The following ZNF831 variants were observed in gnomAD, a reference collection of about 807,000 sequenced individuals.
The protein encoded by ZNF831 is chromosome 20 open reading frame 174.
In ZNF831, 59 loss-of-function variants were observed where a neutral mutation model predicts 95.8. The observed-to-expected ratio is 0.62, with a 90% CI of 0.50 to 0.77. ZNF831 has a LOEUF of 0.77. Ranked by LOEUF, ZNF831 falls within the 30% of genes least tolerant of loss-of-function variation. The pLI, the probability that ZNF831 is intolerant of heterozygous loss-of-function variation, is 0.00. For synonymous variants in ZNF831, 961 were observed against 925.5 expected (o/e 1.04, Z -0.70); for missense variants, 2,205 against 2,164.0 (o/e 1.02, Z -0.38).
chr20:59,176,621 T>C (rs975847565), intron 1 of ZNF831, among the ~76,000 whole-genome samples: 2 of 152,228 alleles, frequency 1.3e-5, no homozygotes, highest in African/African-American at 4.8e-5. Flanking sequence ...CACGCATGTG[T>C]ATTTCGCTTT....
rs189830737 is a variant in ZNF831, at chr20:59,148,477, C to T, written c.-1281+2103C>T. 2.3e-3 allele frequency among the ~76,000 whole-genome samples: 332 copies of T among 145,336 alleles called. 29 individuals carry two copies. The highest frequency in any genetic ancestry group is 8.0e-3 in the African/African-American group (310 of 38,650). ...CGGGCAGATCACGAGGTCAGGAGAT[C>T]GAGACCATCCTGGCTAACACGGTGA... On this transcript the variant is annotated intron_variant, in intron 2 of 7. Coordinates refer to the ZNF831 transcript ENST00000637017.
intron 4 of ZNF831, among the ~76,000 whole-genome samples, chr20:59,238,094 A>G (rs915199741): frequency 1.3e-5 from 2 of 152,144 alleles, no homozygotes; most frequent in Non-Finnish European, 2.9e-5. Flanking sequence ...CCCTTCCCTA[A>G]GGCAAAGCGG....
intron 4 of ZNF831, among the ~76,000 whole-genome samples, chr20:59,239,549 C>CTTTT (rs10653584): frequency 5.5e-5 from 7 of 127,442 alleles, no homozygotes; most frequent in Non-Finnish European, 8.1e-5. Flanking sequence ...TCTGTAAACA[C>CTTTT]TTTTTTTTTT....
rs1988199123 is a variant in ZNF831, at chr20:59,256,588, G to A, written c.*1845G>A. 1 of 152,236 alleles carries A rather than the reference G, an allele frequency of 6.6e-6. No homozygotes were observed. Among genetic ancestry groups the A allele is most frequent in the Non-Finnish European group, 1.5e-5 (1 of 68,042 alleles). 9.4% of individuals were successfully genotyped at this position (152,236 alleles called of 1,614,324 possible). Reference sequence around the variant, plus strand: ...AGTTTCCCTAAGTGAGAATAAGAGAGTTGGACAAGACGAATGTATCTCCAG... The same window carrying A: ...AGTTTCCCTAAGTGAGAATAAGAGAATTGGACAAGACGAATGTATCTCCAG... On this transcript the variant is annotated 3_prime_UTR_variant, in exon 6 of 6. Coordinates refer to ENST00000371030, the MANE Select transcript of ZNF831 (RefSeq NM_178457.3).
chr20:59,143,945 T>C (rs1268210095), intron 1 of ZNF831, among the ~76,000 whole-genome samples: 1 of 152,240 alleles, frequency 6.6e-6, no homozygotes, highest in African/African-American at 2.4e-5. Flanking sequence ...TTCTATAAAA[T>C]GCTCTAATTA....
intron 4 of ZNF831, among the ~76,000 whole-genome samples, chr20:59,226,553 T>TATC (rs1338568536): frequency 2.0e-5 from 3 of 151,752 alleles, no homozygotes; most frequent in African/African-American, 7.3e-5. Flanking sequence ...GATATAAGGC[T>TATC]ATCACCTATT....
chr20:59,239,480 C>T (rs1290279800), intron 4 of ZNF831, among the ~76,000 whole-genome samples: 1 of 152,010 alleles, frequency 6.6e-6, no homozygotes, highest in Admixed American at 6.6e-5. Flanking sequence ...AAGTTTCCCC[C>T]CTTCTTTCAT....
intron 1 of ZNF831, among the ~76,000 whole-genome samples, chr20:59,189,050 G>T (rs758608861): frequency 6.6e-6 from 1 of 151,844 alleles, no homozygotes; most frequent in African/African-American, 2.4e-5. Flanking sequence ...GCATGGTGGC[G>T]CACACCTGTA....
At chr20:59,161,489 G>A (rs553150565), upstream of ZNF831, among the ~76,000 whole-genome samples, 20 of 152,308 alleles carry the variant, frequency 1.3e-4, no homozygotes, top group African/African-American at 4.8e-4. Flanking sequence ...ATGTTGGCCA[G>A]GCTAGTCTCA....
At position 59,193,858 on chromosome 20, in the gene ZNF831, C is replaced by G. The variant is rs756845233; in HGVS notation, c.2839C>G (p.Gln947Glu). The change falls in exon 2 of 6, where the codon CAG becomes GAG. Residue 947 changes from glutamine (Q) to glutamate (E), a missense_variant. Physicochemically the swap from Gln to Glu is conservative, Grantham distance 29. Coordinates refer to ENST00000371030, the MANE Select transcript of ZNF831 (RefSeq NM_178457.3). ...FSPKYLLRLP[Q>E]AETPLPLPIP... ...CCCCAAGTACCTCCTCAGGTTACCTCAGGCAGAGACCCCCTTACCACTGCC... is the reference window on the plus strand; with the variant it reads ...CCCCAAGTACCTCCTCAGGTTACCTGAGGCAGAGACCCCCTTACCACTGCC... 1 of 1,613,084 alleles carries G rather than the reference C, an allele frequency of 6.2e-7. No individual in the cohort carries two copies. The highest frequency in any genetic ancestry group is 2.2e-5 in the East Asian group (1 of 44,870).
chr20:59,235,566 T>C (rs745653175), intron 4 of ZNF831, among the ~76,000 whole-genome samples: 2 of 152,298 alleles, frequency 1.3e-5, no homozygotes, highest in Non-Finnish European at 2.9e-5. Context: ...CAGAACTTTA[T>C]TGGAGACATA....
intron 4 of ZNF831, among the ~76,000 whole-genome samples, chr20:59,236,740 G>GT (rs1372041866): frequency 2.6e-5 from 4 of 151,764 alleles, no homozygotes; most frequent in East Asian, 1.9e-4. Context: ...TGACAAAGAT[G>GT]TTTTTTGTGG....
At chr20:59,221,400 C>T (rs1295212013) in intron 4 of ZNF831, among the ~76,000 whole-genome samples, 1 of 152,134 alleles carries the variant, frequency 6.6e-6, no homozygotes, top group Non-Finnish European at 1.5e-5. Flanking sequence ...TCCCAGAGGC[C>T]TCCCTGGCAA....
At chr20:59,187,492 T>C (rs1350185633) in intron 1 of ZNF831, among the ~76,000 whole-genome samples, 1 of 152,196 alleles carries the variant, frequency 6.6e-6, no homozygotes, top group Non-Finnish European at 1.5e-5. Flanking sequence ...TCCAGAGCTG[T>C]GTGAAATAAA....
rs538626649 is a variant in ZNF831, at chr20:59,183,201, G to A, written c.-36-7783G>A. On this transcript the variant is annotated intron_variant, in intron 1 of 5. Coordinates refer to ENST00000371030, the MANE Select transcript of ZNF831 (RefSeq NM_178457.3). Reference sequence around the variant, plus strand: ...TTGGACCTAGAGAGGGCCACCTAACGAAAGTCTGTCCCTGAGTAGAGGGAC... The same window carrying A: ...TTGGACCTAGAGAGGGCCACCTAACAAAAGTCTGTCCCTGAGTAGAGGGAC... 2.5e-4 allele frequency among the ~76,000 whole-genome samples: 38 copies of A among 152,324 alleles called. 1 individual carries two copies. Among genetic ancestry groups the A allele is most frequent in the Admixed American group, 1.8e-3 (28 of 15,308 alleles).
chr20:59,190,777 G>A (rs1350720401), intron 1 of ZNF831, among the ~76,000 whole-genome samples: 1 of 152,220 alleles, frequency 6.6e-6, no homozygotes, highest in Non-Finnish European at 1.5e-5. Flanking sequence ...CCACATGTCA[G>A]CTTGCATGAC....
At chr20:59,129,527 G>C (rs1049551942) in intron 1 of ZNF831, among the ~76,000 whole-genome samples, 7 of 152,184 alleles carry the variant, frequency 4.6e-5, no homozygotes, top group African/African-American at 1.7e-4. Context: ...GGAGGCTGAG[G>C]CAGGAGAATT....
At chr20:59,234,012 T>C (rs532039760) in intron 4 of ZNF831, among the ~76,000 whole-genome samples, 2 of 152,324 alleles carry the variant, frequency 1.3e-5, no homozygotes, top group African/African-American at 4.8e-5. Context: ...TGAGCAGCTT[T>C]TTCTACTATG....
chr20:59,156,456 G>A (rs1310121626), intron 2 of ZNF831, among the ~76,000 whole-genome samples: 1 of 152,168 alleles, frequency 6.6e-6, no homozygotes, highest in Admixed American at 6.5e-5. Context: ...AACCCAGGAG[G>A]TGGAGGTTGC....
Sources: gnomAD v4.1 joint callset for allele counts (sites outside exome capture counted in the v4.1 genomes callset) on GRCh38, gnomAD v4.1.1 for gene constraint, MANE v1.5 for transcripts, NCBI Gene and HGNC (gene_info 2026-07-23, HGNC 2026-07-21) for gene names.